The following HDAC9 variants were observed in gnomAD, a reference collection of about 807,000 sequenced individuals.
HDAC9 encodes histone deacetylase 9.
Under a neutral mutation model 139.4 loss-of-function variants are expected in HDAC9, and 41 were observed. The observed-to-expected ratio is 0.29, with a 90% CI of 0.23 to 0.38. The LOEUF (loss-of-function observed/expected upper bound fraction) is 0.38. HDAC9 is among the 10% of genes least tolerant of loss of function. HDAC9 has a pLI of 1.00. For missense variants in HDAC9, 1,147 were observed against 1,297.0 expected (o/e 0.88, Z 1.78); for synonymous variants, 517 against 476.2 (o/e 1.09, Z -1.12).
chr7:18,850,517 T>TA (rs372187629), intron 21 of HDAC9, among the ~76,000 whole-genome samples: 1 of 152,226 alleles, frequency 6.6e-6, no homozygotes, highest in East Asian at 1.9e-4. Context: ...AAGTATTTTT[T>TA]ATCTCAAAGC....
In HDAC9 at chr7:18,321,630, T is replaced by A. The variant is rs574718915; in HGVS notation, c.-42+31115T>A. 2.6e-5 allele frequency among the ~76,000 whole-genome samples: 4 copies of A among 152,312 alleles called. No individual in the cohort carries two copies. The South Asian group carries it at 6.2e-4, about 24-fold the overall frequency. On this transcript the variant is annotated intron_variant, in intron 1 of 3. Transcript: ENST00000413509. ...GTGAGGTTTGGAAAGACTGTTCCTTTATATACTGTGCCTTTTTGAAGAAGG... is the reference window on the plus strand; with the variant it reads ...GTGAGGTTTGGAAAGACTGTTCCTTAATATACTGTGCCTTTTTGAAGAAGG...
chr7:18,702,716 A>T (rs939249286), intron 12 of HDAC9, among the ~76,000 whole-genome samples: 26 of 152,348 alleles, frequency 1.7e-4, no homozygotes, highest in Admixed American at 1.2e-3. Context: ...ACCTGTCACG[A>T]TTCAAGGACA....
chr7:18,954,190 G>T lies in HDAC9; in HGVS notation c.2982G>T (p.Met994Ile). The T allele has an allele frequency of 6.4e-7, 1 of 1,569,258 alleles. No homozygotes were observed. Among genetic ancestry groups the T allele is most frequent in the African/African-American group, 1.4e-5 (1 of 74,032 alleles). The change falls in exon 24 of 26, where the codon ATG becomes ATT. Residue 994 changes from methionine (M) to isoleucine (I), a missense_variant. By Grantham distance (10) the Met-to-Ile change is conservative. Around this residue, in one of 7 missense-constraint regions of HDAC9, gnomAD observed 407 missense variants for 521.5 expected, o/e 0.78. Coordinates refer to ENST00000686413, the MANE Select transcript of HDAC9 (RefSeq NM_178425.4). The stretch of plus-strand genomic sequence containing the variant: ...ATATTCTCCACCAAAGCCCGAATAT[G>T]AATGCTGTTATTTCTTTACAGAAGA... ...AEDILHQSPNMNAVISLQKII... is the reference protein window; with the variant it reads ...AEDILHQSPNINAVISLQKII...
At chr7:18,585,556 A>G (rs1829214932) in intron 3 of HDAC9, 34 bp downstream of exon 3, 1 of 1,606,770 alleles carries the variant, frequency 6.2e-7, no homozygotes, top group South Asian at 1.1e-5. Context: ...GACCTTACTC[A>G]GGAGTCTGCA....
At chr7:18,836,058 A>G (rs1392352300) in intron 21 of HDAC9, 61 bp downstream of exon 21, 14 of 859,704 alleles carry the variant, frequency 1.6e-5, no homozygotes, top group Non-Finnish European at 2.4e-5. Flanking sequence ...TTGAAATAAC[A>G]CCAAATATGG....
intron 1 of HDAC9, among the ~76,000 whole-genome samples, chr7:18,463,146 A>G (rs1415693139): frequency 6.6e-6 from 1 of 151,920 alleles, no homozygotes; most frequent in Non-Finnish European, 1.5e-5. Flanking sequence ...TTATTTCTGG[A>G]TTTATTTCTT....
intron 1 of HDAC9, among the ~76,000 whole-genome samples, chr7:18,366,454 C>T (rs895474320): frequency 6.6e-6 from 1 of 152,124 alleles, no homozygotes; most frequent in African/African-American, 2.4e-5. Context: ...AAGTAACTGG[C>T]AATAATGCCA....
rs367565107 is a variant in HDAC9, at chr7:18,935,841, T to C, written c.2836T>C (p.Leu946=). ...FGHLTKQLMT[L]ADGRVVLALE... ...TCATTTGACGAAGCAATTGATGACATTGGCTGATGGACGTGTGGTGTTGGC... is the reference window on the plus strand; with the variant it reads ...TCATTTGACGAAGCAATTGATGACACTGGCTGATGGACGTGTGGTGTTGGC... The change falls in exon 23 of 26, where the codon TTG becomes CTG. Residue 946 remains leucine (L), a synonymous_variant. Coordinates refer to ENST00000686413, the MANE Select transcript of HDAC9 (RefSeq NM_178425.4). 79 of 1,613,582 alleles carry C rather than the reference T, an allele frequency of 4.9e-5. No homozygotes were observed. The highest frequency in any genetic ancestry group is 6.2e-5 in the Non-Finnish European group (73 of 1,179,652).
chr7:18,245,308 T>C (rs1458663558), intron 2 of HDAC9, among the ~76,000 whole-genome samples: 1 of 152,172 alleles, frequency 6.6e-6, no homozygotes, highest in African/African-American at 2.4e-5. Context: ...ATCAAATGGG[T>C]TCATATGTCT....
chr7:18,495,763 A>G lies in HDAC9; in HGVS notation c.-302A>G, dbSNP rs1439299105. ...TGAGAAAGGGGGAAGAGAGGCACAG[A>G]CACAGATAGGAGAAGGGCACCGGCT... On this transcript the variant is annotated 5_prime_UTR_variant, in exon 1 of 26. Transcript: ENST00000686413. 2.0e-6 allele frequency: 2 copies of G among 992,934 alleles called. No homozygotes were observed. Among genetic ancestry groups the G allele is most frequent in the African/African-American group, 3.5e-5 (2 of 57,520 alleles). The allele number at this position is 992,934 out of a possible 1,614,324, so 61.5% of individuals were successfully genotyped here.
intron 8 of HDAC9, among the ~76,000 whole-genome samples, chr7:18,643,986 G>GTAA (rs1217831258): frequency 6.7e-6 from 1 of 149,722 alleles, no homozygotes; most frequent in African/African-American, 2.5e-5. Flanking sequence ...ATGACTCTTA[G>GTAA]TAATGGATTA....
chr7:18,985,460 A>G (rs1322109376), intron 25 of HDAC9, among the ~76,000 whole-genome samples: 1 of 152,164 alleles, frequency 6.6e-6, no homozygotes, highest in East Asian at 1.9e-4. Flanking sequence ...TTCTTAATCC[A>G]GTCTATCATT....
At chr7:18,822,743 G>A (rs553168388) in intron 17 of HDAC9, among the ~76,000 whole-genome samples, 11 of 152,126 alleles carry the variant, frequency 7.2e-5, no homozygotes, top group Non-Finnish European at 1.6e-4. Context: ...CAGATTGCCT[G>A]GAATAGGATC....
intron 1 of HDAC9, among the ~76,000 whole-genome samples, chr7:18,127,746 C>G (rs2128099086): frequency 6.6e-6 from 1 of 152,130 alleles, no homozygotes; most frequent in East Asian, 1.9e-4. Context: ...GAGCTTAAGA[C>G]CATTCTTTTA....
At chr7:18,798,165 C>T (rs1418461759) in intron 17 of HDAC9, among the ~76,000 whole-genome samples, 1 of 152,086 alleles carries the variant, frequency 6.6e-6, no homozygotes, top group Non-Finnish European at 1.5e-5. Context: ...GTAAAACAGT[C>T]CGCTCCTAGG....
chr7:18,442,322 G>T (rs541147477), intron 1 of HDAC9, among the ~76,000 whole-genome samples: 45 of 152,102 alleles, frequency 3.0e-4, no homozygotes, highest in Non-Finnish European at 5.4e-4. Context: ...TCTCTTACAA[G>T]ATACATTATT....
intron 12 of HDAC9, among the ~76,000 whole-genome samples, chr7:18,694,539 C>G (rs1018383511): frequency 6.6e-6 from 1 of 152,156 alleles, no homozygotes; most frequent in Non-Finnish European, 1.5e-5. Flanking sequence ...AGATAACTGA[C>G]GCAGGGCACC....
At chr7:18,250,076 G>A (rs1159926913) in intron 2 of HDAC9, among the ~76,000 whole-genome samples, 4 of 152,112 alleles carry the variant, frequency 2.6e-5, no homozygotes, top group Non-Finnish European at 2.9e-5. Context: ...TGGGATCAGT[G>A]GTGGACTATT....
intron 1 of HDAC9, among the ~76,000 whole-genome samples, chr7:18,370,281 C>G (rs1435168858): frequency 6.6e-6 from 1 of 152,074 alleles, no homozygotes; most frequent in African/African-American, 2.4e-5. Flanking sequence ...GCATATCCTT[C>G]CAAGCTAGCA....
Sources: gnomAD v4.1 joint callset for allele counts (sites outside exome capture counted in the v4.1 genomes callset) on GRCh38, gnomAD v4.1.1 for gene constraint, gnomAD v4.1.1 regional missense constraint, MANE v1.5 for transcripts, NCBI Gene and HGNC (gene_info 2026-07-23, HGNC 2026-07-21) for gene names.